DYM: variants seen among roughly 807,000 people sequenced by gnomAD.
The protein encoded by DYM is dymeclin, also known as dyggve-Melchior-Clausen syndrome protein.
A neutral mutation model predicts 93.1 loss-of-function variants in DYM; 78 were observed. The ratio of observed to expected loss-of-function variants is 0.84; its 90% confidence interval spans 0.70 to 1.01. The LOEUF (loss-of-function observed/expected upper bound fraction) is 1.01. DYM is among the 50% of genes least tolerant of loss of function. DYM has a pLI of 0.00. For synonymous variants in DYM, 321 were observed against 319.7 expected (o/e 1.00, Z -0.04); for missense variants, 789 against 845.0 (o/e 0.93, Z 0.82).
chr18:49,097,653 A>G, intron 16 of DYM, 138 bp from the exon 17 acceptor site: 3 of 793,584 alleles, frequency 3.8e-6, no homozygotes, highest in Non-Finnish European at 6.4e-6. Flanking sequence ...AGCCCTCCTA[A>G]ACGCAGTTTG....
intron 11 of DYM, among the ~76,000 whole-genome samples, chr18:49,261,634 A>G (rs2094492353): frequency 6.6e-6 from 1 of 152,194 alleles, no homozygotes; most frequent in South Asian, 2.1e-4. Context: ...GACGACAGAG[A>G]AGACTCTCTC....
chr18:49,348,225 T>C (rs1175882266), intron 6 of DYM, among the ~76,000 whole-genome samples: 2 of 152,212 alleles, frequency 1.3e-5, no homozygotes, highest in African/African-American at 4.8e-5. Flanking sequence ...AACATAAGTT[T>C]AATAAAAACA....
At chr18:49,125,453 G>GT in intron 15 of DYM, among the ~76,000 whole-genome samples, 1 of 152,144 alleles carries the variant, frequency 6.6e-6, no homozygotes. Flanking sequence ...CTGGATGTCA[G>GT]TGGTAGTAGT....
chr18:49,108,718 G>A (rs1322030524), intron 16 of DYM, among the ~76,000 whole-genome samples: 1 of 152,206 alleles, frequency 6.6e-6, no homozygotes, highest in Non-Finnish European at 1.5e-5. Context: ...TTCTATAAAT[G>A]TGAACTCATC....
intron 14 of DYM, among the ~76,000 whole-genome samples, chr18:49,196,122 CG>C (rs904727702): frequency 1.3e-5 from 2 of 151,874 alleles, no homozygotes; most frequent in African/African-American, 4.8e-5. Flanking sequence ...GATGGGGTTT[CG>C]CCATGTTGGC....
intron 13 of DYM, among the ~76,000 whole-genome samples, chr18:49,220,497 T>G (rs2093303208): frequency 6.6e-6 from 1 of 150,774 alleles, no homozygotes; most frequent in Non-Finnish European, 1.5e-5. Context: ...CTACCTGACT[T>G]CAAACTATAC....
intron 13 of DYM, among the ~76,000 whole-genome samples, chr18:49,254,323 T>TATAC (rs2094349324): frequency 1.6e-5 from 2 of 124,962 alleles, no homozygotes; most frequent in East Asian, 2.3e-4. Context: ...TATATATATA[T>TATAC]ATACACACAT....
chr18:49,378,152 A>G (rs2067690512), intron 5 of DYM, among the ~76,000 whole-genome samples: 1 of 152,234 alleles, frequency 6.6e-6, no homozygotes, highest in African/African-American at 2.4e-5. Context: ...CTATTGCTGC[A>G]CGCTATGAAA....
intron 8 of DYM, among the ~76,000 whole-genome samples, chr18:49,309,084 G>A (rs2061437409): frequency 6.6e-6 from 1 of 152,090 alleles, no homozygotes; most frequent in Admixed American, 6.6e-5. Context: ...TATTGTTATC[G>A]CAGAGCTAGA....
chr18:49,192,678 T>C (rs1394118598), intron 14 of DYM, among the ~76,000 whole-genome samples: 2 of 152,204 alleles, frequency 1.3e-5, no homozygotes, highest in Non-Finnish European at 2.9e-5. Context: ...TATCATTTTA[T>C]AGAATACAGT....
intron 13 of DYM, among the ~76,000 whole-genome samples, chr18:49,234,962 G>A (rs2093816990): frequency 1.3e-5 from 2 of 152,082 alleles, no homozygotes; most frequent in Admixed American, 6.5e-5. Context: ...GGAAGGCAAG[G>A]GGGAACTCAG....
At chr18:49,422,302 A>C (rs1285382908) in intron 2 of DYM, among the ~76,000 whole-genome samples, 2 of 152,212 alleles carry the variant, frequency 1.3e-5, no homozygotes, top group South Asian at 2.1e-4. Context: ...CTAACAGCGG[A>C]TCTCTCGGCA....
Position 49,108,887 on chromosome 18 carries a change from C to T in DYM, c.1911+9857G>A, listed in dbSNP as rs185684412. Among the ~76,000 whole-genome samples the T allele has an allele frequency of 2.8e-4, 42 of 152,278 alleles. 1 individual carries two copies. The highest frequency in any genetic ancestry group is 9.9e-4 in the African/African-American group (41 of 41,554). On this transcript the variant is annotated intron_variant, in intron 16 of 17. Coordinates refer to ENST00000675505, the MANE Select transcript of DYM (RefSeq NM_001353214.3). ...AGTTTTTATTTCATGCATTTCGAAG[C>T]TCTGTTGTATACACATTTATGGTTG...
rs1468696571 is a variant in DYM, at chr18:49,378,686, C to G, written c.302G>C (p.Trp101Ser). 1.9e-6 allele frequency: 3 copies of G among 1,613,104 alleles called. No homozygotes were observed. Among genetic ancestry groups the G allele is most frequent in the East Asian group, 2.2e-5 (1 of 44,720 alleles). Residue 101 changes from tryptophan to serine, a missense_variant, in exon 5 of 18, where the codon TGG (tryptophan) becomes TCG (serine). Physicochemically the swap from Trp to Ser is radical, Grantham distance 177. Around this residue, in one of 3 missense-constraint regions of DYM, gnomAD observed 450 missense variants for 436.2 expected, o/e 1.03. Transcript: ENST00000675505. ...SAECQNHIFI[W>S]QTHNALFIIC... is the part of the protein sequence containing the mutation. ...AATAAACAAAGCATTGTGTGTCTGC[C>G]AAATGAAGATGTGGCTAGAAAGACC...
In DYM at chr18:49,135,072, C is replaced by T. The variant is rs185976323; in HGVS notation, c.1729-16146G>A. Among the ~76,000 whole-genome samples the T allele has an allele frequency of 3.4e-4, 51 of 152,068 alleles. 1 individual carries two copies. Among genetic ancestry groups the T allele is most frequent in the African/African-American group, 1.1e-3 (45 of 41,460 alleles). On this transcript the variant is annotated intron_variant, in intron 15 of 17. Coordinates refer to ENST00000675505, the MANE Select transcript of DYM (RefSeq NM_001353214.3). ...GCAGTGAGCTGATATCGTGTCACTG[C>T]GATCCAGCCTGGGCAACAAGAGCAA...
intron 2 of DYM, among the ~76,000 whole-genome samples, chr18:49,417,497 G>A (rs967761096): frequency 6.6e-6 from 1 of 151,896 alleles, no homozygotes; most frequent in African/African-American, 2.4e-5. Flanking sequence ...CAAAACACTG[G>A]AAGCAATCCA....
At chr18:49,190,667 C>T (rs944538224) in intron 14 of DYM, among the ~76,000 whole-genome samples, 1 of 152,068 alleles carries the variant, frequency 6.6e-6, no homozygotes, top group Non-Finnish European at 1.5e-5. Flanking sequence ...ATAAATGTTA[C>T]CTGTATAAAA....
At chr18:49,079,413 T>G (rs1201944402) in intron 17 of DYM, among the ~76,000 whole-genome samples, 1 of 152,106 alleles carries the variant, frequency 6.6e-6, no homozygotes, top group Non-Finnish European at 1.5e-5. Context: ...TTTTTTATTT[T>G]TATTTTTTTT....
chr18:49,265,693 G>T (rs1051855134), intron 11 of DYM, among the ~76,000 whole-genome samples: 1 of 150,850 alleles, frequency 6.6e-6, no homozygotes, highest in African/African-American at 2.4e-5. Context: ...CAGGAGAATC[G>T]CTTGAACTTG....
Sources: gnomAD v4.1 joint callset for allele counts (sites outside exome capture counted in the v4.1 genomes callset) on GRCh38, gnomAD v4.1.1 for gene constraint, gnomAD v4.1.1 regional missense constraint, MANE v1.5 for transcripts, NCBI Gene and HGNC (gene_info 2026-07-23, HGNC 2026-07-21) for gene names.